ALG3: variants seen among roughly 807,000 people sequenced by gnomAD.
ALG3 encodes dol-P-Man:Man(5)GlcNAc(2)-PP-Dol alpha-1,3-mannosyltransferase.
Under a neutral mutation model 50.5 loss-of-function variants are expected in ALG3, and 39 were observed. That is an observed-to-expected ratio of 0.77 (90% confidence interval 0.60 to 1.01). The LOEUF (loss-of-function observed/expected upper bound fraction) is 1.01, where lower values mean the gene tolerates loss of function less well. Among genes scored for constraint, ALG3 ranks in the 50% least tolerant of loss-of-function variants. The pLI, the probability that ALG3 is intolerant of heterozygous loss-of-function variation, is 0.00. For synonymous variants in ALG3, 252 were observed against 237.2 expected (o/e 1.06, Z -0.58); for missense variants, 520 against 554.8 (o/e 0.94, Z 0.63).
intron 7 of ALG3, 76 bp downstream of exon 7, chr3:184,243,478 G>A: frequency 2.8e-6 from 4 of 1,446,138 alleles, no homozygotes; most frequent in Non-Finnish European, 3.9e-6. Flanking sequence ...GTCACCAGCT[G>A]TCAAGGGATA....
chr3:184,248,986 G>A (rs1208549424), upstream of ALG3: 5 of 1,545,820 alleles, frequency 3.2e-6, no homozygotes, highest in East Asian at 4.9e-5. Flanking sequence ...CCGGAAACCC[G>A]AACCTTCGAC....
In ALG3 at chr3:184,248,951, C is replaced by T. The variant is rs936752061; in HGVS notation, c.-11G>A. 2 of 1,568,276 alleles carry T rather than the reference C, an allele frequency of 1.3e-6. No individual in the cohort carries two copies. The highest frequency in any genetic ancestry group is 2.7e-5 in the African/African-American group (2 of 74,048). On this transcript the variant is annotated 5_prime_UTR_variant, in exon 1 of 9. Coordinates refer to ENST00000397676, the MANE Select transcript of ALG3 (RefSeq NM_005787.6). ...CAGCCCAGCCGCCATCTTAACGGTG[C>T]GCCGCTTGTGTGGGCCCACCACCCC...
chr3:184,249,183 CTAAT>C, upstream of ALG3: 2 of 1,602,750 alleles, frequency 1.2e-6, no homozygotes, highest in Non-Finnish European at 1.7e-6. Context: ...TACACAGGCG[CTAAT>C]TTAGAACGAA....
In ALG3 at chr3:184,245,704, C is replaced by T; in HGVS notation, c.296+9G>A. 6.2e-7 allele frequency: 1 copy of T among 1,611,430 alleles called. No homozygotes were observed. ...TCACATCCTCCCTGAACTTCCTGTC[C>T]CCACTCACACAAGTGGTCCGGTGTC... On this transcript the variant is annotated intron_variant, in intron 2 of 8. Transcript: ENST00000397676.
Position 184,245,249 on chromosome 3 carries a change from C to G in ALG3, c.554G>C (p.Ser185Thr), listed in dbSNP as rs1259453798. The change falls in exon 4 of 9, where the codon AGT becomes ACT. Residue 185 changes from serine (S) to threonine (T), a missense_variant. Coordinates refer to ENST00000397676, the MANE Select transcript of ALG3 (RefSeq NM_005787.6). ...DPVAMVLLFL[S>T]INLLLAQRWG... ...GCGCTGGGCCAGCAGGAGGTTGATACTGAGGAAGAGCAGCACCATGGCCAC... is the reference window on the plus strand; with the variant it reads ...GCGCTGGGCCAGCAGGAGGTTGATAGTGAGGAAGAGCAGCACCATGGCCAC... The G allele has an allele frequency of 1.5e-5, 24 of 1,613,762 alleles. No homozygotes were observed. Among genetic ancestry groups the G allele is most frequent in the Non-Finnish European group, 1.9e-5 (23 of 1,179,870 alleles).
rs1470532727 is a variant in ALG3 at position 184,242,871 on chromosome 3, G to A, written c.1096C>T (p.His366Tyr). The A allele has an allele frequency of 1.9e-6, 3 of 1,613,828 alleles. No homozygotes were observed. The highest frequency in any genetic ancestry group is 1.6e-4 in the Middle Eastern group (1 of 6,084). ...LHYQFYVWYF[H>Y]TLPYLLWAMP... ...GCCCACAGGAGGTAGGGCAGTGTGT[G>A]GAAATACCAGACGTAGAACTGGTAG... The change falls in exon 8 of 9, where the codon CAC becomes TAC. Residue 366 changes from histidine to tyrosine, a missense_variant. Coordinates refer to ENST00000397676, the MANE Select transcript of ALG3 (RefSeq NM_005787.6).
At chr3:184,244,844 C>T (rs1719043152) in intron 4 of ALG3, 123 bp from the exon 5 acceptor site, 3 of 1,353,734 alleles carry the variant, frequency 2.2e-6, no homozygotes, top group South Asian at 1.4e-5. Flanking sequence ...CAACAAACTC[C>T]AAGATGGGAC....
intron 1 of ALG3, 25 bp downstream of exon 1, chr3:184,248,720 C>A: frequency 1.4e-6 from 2 of 1,418,360 alleles, no homozygotes; most frequent in Non-Finnish European, 1.9e-6. Flanking sequence ...CCTCCCTCCC[C>A]TCCCCTCCCC....
chr3:184,247,856 T>C (rs1161488010), intron 1 of ALG3, among the ~76,000 whole-genome samples: 1 of 151,868 alleles, frequency 6.6e-6, no homozygotes, highest in Non-Finnish European at 1.5e-5. Flanking sequence ...TTTTCTTTTT[T>C]TTTTTTTGAG....
intron 1 of ALG3, 131 bp downstream of exon 1, chr3:184,248,614 G>A: frequency 2.4e-6 from 2 of 826,570 alleles, no homozygotes; most frequent in Non-Finnish European, 3.7e-6. Flanking sequence ...TCAGGTAAGG[G>A]ATATGGATGG....
chr3:184,247,647 C>T (rs1041848815), intron 1 of ALG3, among the ~76,000 whole-genome samples: 1 of 152,048 alleles, frequency 6.6e-6, no homozygotes, highest in Non-Finnish European at 1.5e-5. Context: ...ACTCCTTCCC[C>T]TCACCTTTTT....
intron 5 of ALG3, chr3:184,244,342 G>A (rs1334163690): frequency 1.8e-6 from 1 of 545,774 alleles, no homozygotes; most frequent in East Asian, 3.2e-5. Context: ...CCAGGAGTTT[G>A]AGACCAGCCT....
At chr3:184,246,909 T>C (rs527566733) in intron 1 of ALG3, among the ~76,000 whole-genome samples, 163 of 152,174 alleles carry the variant, frequency 1.1e-3, no homozygotes, top group African/African-American at 3.7e-3. Context: ...GGTTTGTTTG[T>C]TTGTTTTTCT....
At position 184,242,882 on chromosome 3, in the gene ALG3, A is replaced by C. The variant is rs1718901284; in HGVS notation, c.1085T>G (p.Val362Gly). 5 of 1,613,812 alleles carry C rather than the reference A, an allele frequency of 3.1e-6. No individual in the cohort carries two copies. The East Asian group carries it at 1.1e-4, about 36-fold the overall frequency. The change falls in exon 8 of 9, where the codon GTC becomes GGC. Residue 362 changes from valine to glycine, a missense_variant. Val to Gly is a moderately radical substitution (Grantham distance 109). This residue lies in a region of ALG3 where 224 missense variants were observed against 272.8 expected (regional missense o/e 0.82). Coordinates refer to ENST00000397676, the MANE Select transcript of ALG3 (RefSeq NM_005787.6). ...FSRSLHYQFYVWYFHTLPYLL... is the reference protein window; with the variant it reads ...FSRSLHYQFYGWYFHTLPYLL... ...GTAGGGCAGTGTGTGGAAATACCAG[A>C]CGTAGAACTGGTAGTGGAGGGAGCG...
chr3:184,245,869 TC>T, intron 1 of ALG3, 57 bp from the exon 2 acceptor site: 1 of 1,340,974 alleles, frequency 7.5e-7, no homozygotes, highest in South Asian at 1.2e-5. Flanking sequence ...TCTGCCACCC[TC>T]CCCATGCCTC....
intron 1 of ALG3, among the ~76,000 whole-genome samples, chr3:184,247,948 C>G (rs1719256006): frequency 6.6e-6 from 1 of 151,616 alleles, no homozygotes; most frequent in Non-Finnish European, 1.5e-5. Flanking sequence ...CGGGTTCACG[C>G]CATTCTCCTG....
rs1408774354 is a variant in ALG3, at chr3:184,245,475, G to A, written c.437C>T (p.Thr146Ile). The stretch of plus-strand genomic sequence containing the variant: ...CTGGTAGCATGGACTCACCTTGCAG[G>A]TCTGGTGATAGATCAAGAAGACAAG... ...LLLVFLIYHQ[T>I]CKVPPFVFFF... The change falls in exon 3 of 9, where the codon ACC (threonine) becomes ATC (isoleucine). Residue 146 changes from threonine (T) to isoleucine (I), a missense_variant. Around this residue, in one of 3 missense-constraint regions of ALG3, gnomAD observed 290 missense variants for 265.9 expected, o/e 1.09. Transcript: ENST00000397676. The A allele has an allele frequency of 3.7e-6, 6 of 1,614,008 alleles. No homozygotes were observed. The highest frequency in any genetic ancestry group is 5.1e-6 in the Non-Finnish European group (6 of 1,179,860).
At position 184,242,550 on chromosome 3, in the gene ALG3, GA is replaced by G; in HGVS notation, c.1280del (p.Phe427SerfsTer41). The stretch of plus-strand genomic sequence containing the variant: ...TCTTGCTGTGTTGGGTGCTCTTGGG[GA>G]AAGGCTGCGGGCCCAGCCAGAGCTG... The part of the protein sequence containing the change: ...LLQLWLGPQP[F>X]PKSTQHSKKA... On this transcript the variant is annotated frameshift_variant, in exon 9 of 9. Coordinates refer to ENST00000397676, the MANE Select transcript of ALG3 (RefSeq NM_005787.6). LOFTEE classifies it high-confidence loss of function. 1 of 1,609,662 alleles carries G rather than the reference GA, an allele frequency of 6.2e-7. No homozygotes were observed.
chr3:184,244,557 T>A, intron 5 of ALG3, 44 bp downstream of exon 5: 1 of 1,587,032 alleles, frequency 6.3e-7, no homozygotes, highest in Non-Finnish European at 8.6e-7. Context: ...TCAAGACAAG[T>A]GGCTTCTCCT....
Sources: allele counts gnomAD v4.1 joint callset (sites outside exome capture counted in the v4.1 genomes callset), GRCh38; gene constraint gnomAD v4.1.1; regional missense constraint gnomAD v4.1.1; transcripts MANE v1.5; gene names NCBI Gene and HGNC (gene_info 2026-07-23, HGNC 2026-07-21).